The following SPPL3 variants were observed in gnomAD, a reference collection of about 807,000 sequenced individuals.
SPPL3 encodes the protein signal peptide peptidase-like 3.
Under a neutral mutation model 42.4 loss-of-function variants are expected in SPPL3, and 5 were observed. The ratio of observed to expected loss-of-function variants is 0.12; its 90% CI spans 0.06 to 0.25. SPPL3 has a LOEUF of 0.25. Ranked by LOEUF, SPPL3 falls within the 10% of genes least tolerant of loss-of-function variation. SPPL3 has a pLI of 1.00. For synonymous variants in SPPL3, 195 were observed against 181.8 expected (o/e 1.07, Z -0.58); for missense variants, 235 against 489.0 (o/e 0.48, Z 4.90).
At chr12:120,770,952 A>G (rs1165051765) in intron 6 of SPPL3, among the ~76,000 whole-genome samples, 1 of 151,980 alleles carries the variant, frequency 6.6e-6, no homozygotes, top group African/African-American at 2.4e-5. Context: ...GTCTCCAAGC[A>G]TTTACTCTTT....
chr12:120,882,927 G>C (rs941372018), intron 1 of SPPL3, among the ~76,000 whole-genome samples: 2 of 151,068 alleles, frequency 1.3e-5, no homozygotes, highest in African/African-American at 4.9e-5. Flanking sequence ...GCTAGAGATC[G>C]TTGAGGAAAG....
At chr12:120,903,142 C>G (rs1470224515) in intron 1 of SPPL3, among the ~76,000 whole-genome samples, 1 of 152,184 alleles carries the variant, frequency 6.6e-6, no homozygotes, top group Non-Finnish European at 1.5e-5. Flanking sequence ...TAGTACCAAC[C>G]CTTACAAAGA....
intron 1 of SPPL3, among the ~76,000 whole-genome samples, chr12:120,861,221 AGCAGCCATAGATGATATGTAAACAAATGG>A (rs1255229031): frequency 1.3e-5 from 2 of 152,192 alleles, no homozygotes; most frequent in Non-Finnish European, 2.9e-5. Context: ...CTAGCATGAA[AGCAGCCATAGATGATATGTAAACAAATGG>A]GCATGGCTGT....
At chr12:120,765,151 T>G in intron 10 of SPPL3, 81 bp from the exon 11 acceptor site, 1 of 1,381,210 alleles carries the variant, frequency 7.2e-7, no homozygotes, top group Non-Finnish European at 9.8e-7. Context: ...AAAAAAAAAT[T>G]TTTTTTCCAG....
At chr12:120,844,018 G>A (rs1220592345) in intron 1 of SPPL3, among the ~76,000 whole-genome samples, 1 of 152,192 alleles carries the variant, frequency 6.6e-6, no homozygotes, top group African/African-American at 2.4e-5. Flanking sequence ...GTTCTCTGCT[G>A]CTTAATCATA....
intron 1 of SPPL3, among the ~76,000 whole-genome samples, chr12:120,855,372 T>C (rs1023067796): frequency 1.3e-5 from 2 of 152,160 alleles, no homozygotes; most frequent in African/African-American, 4.8e-5. Flanking sequence ...CAAAGCTTAA[T>C]TTTCAAATAA....
chr12:120,879,272 G>T (rs4454799), intron 1 of SPPL3, among the ~76,000 whole-genome samples: 60,178 of 151,848 alleles, frequency 0.4, 14,089 homozygotes, highest in Middle Eastern at 0.56. Context: ...AGCAGACTTT[G>T]AAGTATAAAC....
chr12:120,799,691 T>C (rs575811610), intron 2 of SPPL3, among the ~76,000 whole-genome samples: 1 of 152,310 alleles, frequency 6.6e-6, no homozygotes, highest in South Asian at 2.1e-4. Flanking sequence ...AAGCCTTGTT[T>C]GGTTGTTAGA....
In SPPL3 at chr12:120,819,444, A is replaced by T. The variant is rs1261002788; in HGVS notation, c.24-8558T>A. On this transcript the variant is annotated intron_variant, in intron 1 of 10. Coordinates refer to ENST00000353487, the MANE Select transcript of SPPL3 (RefSeq NM_139015.5). ...CTTGGGGCTTATGGTAGCAAATACA[A>T]ATTTTCAAAAATTCTATTTTCACTT... Among the ~76,000 whole-genome samples the T allele has an allele frequency of 2.6e-5, 4 of 152,218 alleles. No individual in the cohort carries two copies. In the East Asian group the frequency reaches 7.7e-4, roughly 29 times the overall value.
At position 120,809,721 on chromosome 12, in the gene SPPL3, C is replaced by T. The variant is rs116179323; in HGVS notation, c.101+1088G>A. On this transcript the variant is annotated intron_variant, in intron 2 of 10. Transcript: ENST00000353487. Reference sequence around the variant, plus strand: ...TATGGCTGCCTGCTGAGATGAGAACCTCAGCAGGATCTAGTCTCAGCATCT... The same window carrying T: ...TATGGCTGCCTGCTGAGATGAGAACTTCAGCAGGATCTAGTCTCAGCATCT... Among the ~76,000 whole-genome samples, 399 of 152,248 alleles carry T rather than the reference C, an allele frequency of 2.6e-3. 1 individual carries two copies. The highest frequency in any genetic ancestry group is 9.2e-3 in the African/African-American group (383 of 41,542).
chr12:120,823,691 G>T (rs1441917922), intron 1 of SPPL3, among the ~76,000 whole-genome samples: 2 of 152,112 alleles, frequency 1.3e-5, no homozygotes, highest in Non-Finnish European at 2.9e-5. Flanking sequence ...ATAGGCTGAT[G>T]ATTCCCTTTT....
At chr12:120,767,310 CTG>C in intron 9 of SPPL3, 82 bp downstream of exon 9, 4 of 1,405,778 alleles carry the variant, frequency 2.8e-6, no homozygotes, top group East Asian at 2.3e-5. Flanking sequence ...CATCCAGTAA[CTG>C]TAGCTAGAAG....
rs979270581 is a variant in SPPL3, at chr12:120,859,677, C to T, written c.23+44168G>A. Among the ~76,000 whole-genome samples the T allele has an allele frequency of 7.6e-4, 116 of 152,186 alleles. 1 individual carries two copies. The highest frequency in any genetic ancestry group is 6.5e-5 in the Admixed American group (1 of 15,278). ...CAGACTCAAAAAGTCTAGCTGGGGCCGGGTGCAGTGGCTCCCAGCACTCTG... is the reference window on the plus strand; with the variant it reads ...CAGACTCAAAAAGTCTAGCTGGGGCTGGGTGCAGTGGCTCCCAGCACTCTG... On this transcript the variant is annotated intron_variant, in intron 1 of 10. Coordinates refer to ENST00000353487, the MANE Select transcript of SPPL3 (RefSeq NM_139015.5).
chr12:120,897,338 G>A (rs557058903), intron 1 of SPPL3, among the ~76,000 whole-genome samples: 1 of 152,258 alleles, frequency 6.6e-6, no homozygotes, highest in East Asian at 1.9e-4. Context: ...ATAAATTCAT[G>A]GGGTTAACTT....
chr12:120,825,125 TA>T (rs997961379), intron 1 of SPPL3, among the ~76,000 whole-genome samples: 2 of 151,100 alleles, frequency 1.3e-5, no homozygotes, highest in African/African-American at 2.4e-5. Context: ...TAAACTCATT[TA>T]AAAAAAAAGG....
chr12:120,770,641 T>C (rs1470901881), intron 6 of SPPL3, among the ~76,000 whole-genome samples: 1 of 152,136 alleles, frequency 6.6e-6, no homozygotes, highest in Admixed American at 6.5e-5. Context: ...CAATGTGCTC[T>C]CCTGTTCCTC....
At chr12:120,890,885 G>T (rs772552766) in intron 1 of SPPL3, among the ~76,000 whole-genome samples, 1 of 152,148 alleles carries the variant, frequency 6.6e-6, no homozygotes, top group Admixed American at 6.5e-5. Context: ...GCCGAAACCC[G>T]ATGCTCTCAA....
At chr12:120,766,110 A>ATG (rs1868889289) in intron 10 of SPPL3, among the ~76,000 whole-genome samples, 153 bp downstream of exon 10, 24 of 45,514 alleles carry the variant, frequency 5.3e-4, no homozygotes, top group South Asian at 1.6e-3. Context: ...GCACACACAC[A>ATG]CACACACACA....
chr12:120,789,106 AC>A (rs1324664862), intron 3 of SPPL3, among the ~76,000 whole-genome samples: 26 of 152,224 alleles, frequency 1.7e-4, no homozygotes, highest in Admixed American at 3.3e-4. Flanking sequence ...CAGAGCAGGC[AC>A]TGAAGAAATG....
Sources: gnomAD v4.1 joint callset for allele counts (sites outside exome capture counted in the v4.1 genomes callset) on GRCh38, gnomAD v4.1.1 for gene constraint, MANE v1.5 for transcripts, NCBI Gene and HGNC (gene_info 2026-07-23, HGNC 2026-07-21) for gene names.